The following XPNPEP1 variants were observed in gnomAD, a reference collection of about 807,000 sequenced individuals.
XPNPEP1 encodes X-prolyl aminopeptidase 1, also known as xaa-Pro aminopeptidase 1.
A neutral mutation model predicts 92.4 loss-of-function variants in XPNPEP1; 39 were observed. That is an observed-to-expected ratio of 0.42 (90% confidence interval 0.33 to 0.55). XPNPEP1 has a LOEUF of 0.55. XPNPEP1 is among the 20% of genes least tolerant of loss of function. The pLI is 0.08. For synonymous variants in XPNPEP1, 307 were observed against 299.4 expected, an observed-to-expected ratio of 1.03 and a Z score of -0.26; for missense variants, 654 against 856.1, an observed-to-expected ratio of 0.76 and a Z score of 2.95.
intron 12 of XPNPEP1, among the ~76,000 whole-genome samples, chr10:109,879,225 G>A (rs1847953530): frequency 6.6e-6 from 1 of 150,832 alleles, no homozygotes; most frequent in African/African-American, 2.4e-5. Context: ...CTGGGCGATG[G>A]AGCAAGGCTC....
At chr10:109,896,249 CA>C (rs1368490774) in intron 3 of XPNPEP1, among the ~76,000 whole-genome samples, 2 of 151,812 alleles carry the variant, frequency 1.3e-5, no homozygotes, top group African/African-American at 4.8e-5. Context: ...CTCTGTATAG[CA>C]CACACATACT....
intron 1 of XPNPEP1, chr10:109,923,089 G>T: frequency 1.1e-6 from 1 of 911,012 alleles, no homozygotes; most frequent in Non-Finnish European, 1.3e-6. Flanking sequence ...GGGCCTTCCC[G>T]CGGGCCAGGA....
At chr10:109,906,614 T>C (rs1030096317) in intron 3 of XPNPEP1, among the ~76,000 whole-genome samples, 5 of 152,190 alleles carry the variant, frequency 3.3e-5, no homozygotes, top group African/African-American at 1.2e-4. Flanking sequence ...TCAAGGTATC[T>C]CAAGGCAGTT....
intron 5 of XPNPEP1, among the ~76,000 whole-genome samples, chr10:109,889,175 C>G (rs938322891): frequency 6.6e-6 from 1 of 152,222 alleles, no homozygotes; most frequent in Non-Finnish European, 1.5e-5. Flanking sequence ...TTAAGAGAGG[C>G]ACACAGGCAC....
rs1248177626 is a variant in XPNPEP1 at position 109,886,117 on chromosome 10, A to G, written c.748+129T>C. On this transcript the variant is annotated intron_variant, in intron 8 of 20. Coordinates refer to ENST00000502935, the MANE Select transcript of XPNPEP1 (RefSeq NM_020383.4). The stretch of plus-strand genomic sequence containing the variant: ...ATCCTAGTTGGCATCTCCTATACCC[A>G]TTTGGTGACGTAGTCTTCTTCTTAT... 3.2e-5 allele frequency: 28 copies of G among 883,312 alleles called. No individual in the cohort carries two copies. In the Admixed American group the frequency reaches 5.9e-4, roughly 19 times the overall value. The allele number at this position is 883,312 out of a possible 1,614,324, so 54.7% of individuals were successfully genotyped here. A position where few individuals can be genotyped will look rare whatever the true frequency, so the allele number is the denominator to read the frequency against.
intron 20 of XPNPEP1, among the ~76,000 whole-genome samples, chr10:109,866,117 G>A (rs984233790): frequency 1.3e-5 from 2 of 152,204 alleles, no homozygotes; most frequent in African/African-American, 4.8e-5. Flanking sequence ...TAGCTGTCTG[G>A]AAGCTGATGA....
intron 5 of XPNPEP1, 117 bp downstream of exon 5, chr10:109,891,605 A>T: frequency 1.3e-6 from 1 of 782,366 alleles, no homozygotes; most frequent in Non-Finnish European, 1.9e-6. Flanking sequence ...TTTTCCTTGG[A>T]TTCTCAAAAG....
chr10:109,917,050 T>G (rs1850232268), intron 1 of XPNPEP1, among the ~76,000 whole-genome samples: 1 of 149,476 alleles, frequency 6.7e-6, no homozygotes, highest in Non-Finnish European at 1.5e-5. Context: ...CCCTATAATC[T>G]AGGGAATGTC....
At chr10:109,894,110 C>A (rs538313661) in intron 3 of XPNPEP1, 2 of 152,270 alleles carry the variant, frequency 1.3e-5, no homozygotes, top group African/African-American at 2.4e-5. Context: ...AGCCAAAGGA[C>A]CTGGCAAGGT....
Position 109,923,489 on chromosome 10 carries a change from GC to G in XPNPEP1, c.-57del. On this transcript the variant is annotated 5_prime_UTR_variant, in exon 1 of 21. Transcript: ENST00000502935. The stretch of plus-strand genomic sequence containing the variant: ...GGGAGCGCAGACCAGCTGATCACCC[GC>G]GGAAGGGCCGGCGCGAAGGAGGCGC... 1 of 1,335,736 alleles carries G rather than the reference GC, an allele frequency of 7.5e-7. No individual in the cohort carries two copies. The highest frequency in any genetic ancestry group is 1.5e-5 in the African/African-American group (1 of 64,838). 82.7% of individuals were successfully genotyped at this position (1,335,736 alleles called of 1,614,324 possible). A position where few individuals can be genotyped will look rare whatever the true frequency, so the allele number is the denominator to read the frequency against.
chr10:109,887,998 G>C lies in XPNPEP1; in HGVS notation c.652+51C>G, dbSNP rs772508837. 4 of 1,604,574 alleles carry C rather than the reference G, an allele frequency of 2.5e-6. No individual in the cohort carries two copies. In the East Asian group the frequency reaches 9.0e-5, roughly 36 times the overall value. On this transcript the variant is annotated intron_variant, in intron 7 of 20. Coordinates refer to ENST00000502935, the MANE Select transcript of XPNPEP1 (RefSeq NM_020383.4). ...GACGAGGCTGGAGACAATAGCAAGAGGTGGGGGGACAATGGCAGGGGCCCT... is the reference window on the plus strand; with the variant it reads ...GACGAGGCTGGAGACAATAGCAAGACGTGGGGGGACAATGGCAGGGGCCCT...
At chr10:109,907,312 A>G (rs1282976850) in intron 3 of XPNPEP1, among the ~76,000 whole-genome samples, 1 of 152,160 alleles carries the variant, frequency 6.6e-6, no homozygotes, top group African/African-American at 2.4e-5. Context: ...CCTACCGCCC[A>G]TCAACCCTAT....
chr10:109,883,874 G>T, intron 9 of XPNPEP1, 193 bp downstream of exon 9: 1 of 534,604 alleles, frequency 1.9e-6, no homozygotes, highest in Non-Finnish European at 3.2e-6. Flanking sequence ...CATTTTGGGG[G>T]CTCAAAGAGA....
chr10:109,897,874 G>A (rs562917503), intron 3 of XPNPEP1, among the ~76,000 whole-genome samples: 3 of 152,042 alleles, frequency 2.0e-5, no homozygotes, highest in African/African-American at 4.8e-5. Flanking sequence ...GGCTGGTCTC[G>A]AACTCCTGAC....
Position 109,872,380 on chromosome 10 carries a change from C to T in XPNPEP1, c.1453-519G>A, listed in dbSNP as rs530924764. On this transcript the variant is annotated intron_variant, in intron 16 of 20. Coordinates refer to ENST00000502935, the MANE Select transcript of XPNPEP1 (RefSeq NM_020383.4). Reference sequence around the variant, plus strand: ...CTTCAACAGCTGTGCTCCCTACCACCATCCTATCTTCAGGGGTTATCCCCA... The same window carrying T: ...CTTCAACAGCTGTGCTCCCTACCACTATCCTATCTTCAGGGGTTATCCCCA... Among the ~76,000 whole-genome samples, 6 of 152,314 alleles carry T rather than the reference C, an allele frequency of 3.9e-5. No individual in the cohort carries two copies. The South Asian group carries it at 1.2e-3, about 32-fold the overall frequency.
In XPNPEP1 at chr10:109,888,537, G is replaced by T. The variant is rs1848528551; in HGVS notation, c.474C>A (p.Ser158=). 2 of 1,611,882 alleles carry T rather than the reference G, an allele frequency of 1.2e-6. No homozygotes were observed. The highest frequency in any genetic ancestry group is 1.3e-5 in the African/African-American group (1 of 74,994). The change falls in exon 6 of 21, where the codon TCC becomes TCA. Residue 158 remains serine, a synonymous_variant. Transcript: ENST00000502935. ...TGATCAAGGGGTCCACACCAACCCT[G>T]GATCCTTCAGGAAGCACACTCACCA... ...DWLVSVLPEG[S]RVGVDPLIIP...
Position 109,884,066 on chromosome 10 carries a change from C to G in XPNPEP1, c.830+1G>C. The G allele has an allele frequency of 6.2e-7, 1 of 1,613,110 alleles. No homozygotes were observed. The highest frequency in any genetic ancestry group is 8.5e-7 in the Non-Finnish European group (1 of 1,179,526). On this transcript the variant is annotated splice_donor_variant, in intron 9 of 20. Coordinates refer to ENST00000502935, the MANE Select transcript of XPNPEP1 (RefSeq NM_020383.4). LOFTEE classifies it high-confidence loss of function. ...GTTCCAGATGCAGGGCAAACACTCACATGATCGTCTCTAGTCCTATGATTG... is the reference window on the plus strand; with the variant it reads ...GTTCCAGATGCAGGGCAAACACTCAGATGATCGTCTCTAGTCCTATGATTG...
At chr10:109,869,831 CCA>C (rs1847349829) in intron 19 of XPNPEP1, 120 bp downstream of exon 19, 1 of 951,766 alleles carries the variant, frequency 1.1e-6, no homozygotes, top group South Asian at 1.6e-5. Flanking sequence ...CTTCATCTTC[CCA>C]CACTAAGAAA....
rs917710971 is a variant in XPNPEP1 at position 109,875,588 on chromosome 10, T to C, written c.1331A>G (p.Glu444Gly). 33 of 1,614,006 alleles carry C rather than the reference T, an allele frequency of 2.0e-5. No homozygotes were observed. The highest frequency in any genetic ancestry group is 2.8e-5 in the Non-Finnish European group (33 of 1,179,976). Reference protein sequence around the residue: ...GAIIHYAPVPETNRTLSLDEV... With the variant: ...GAIIHYAPVPGTNRTLSLDEV... Reference sequence around the variant, plus strand: ...ATCCAGGGACAAGGTCCTATTCGTCTCAGGGACTGGCCTAACAAAGTTAAT... The same window carrying C: ...ATCCAGGGACAAGGTCCTATTCGTCCCAGGGACTGGCCTAACAAAGTTAAT... The change falls in exon 15 of 21, where the codon GAG becomes GGG. Residue 444 changes from glutamate to glycine, a missense_variant. Physicochemically the swap from Glu to Gly is moderately conservative, Grantham distance 98 (BLOSUM62 -2). Coordinates refer to ENST00000502935, the MANE Select transcript of XPNPEP1 (RefSeq NM_020383.4).
Sources: gnomAD v4.1 joint callset for allele counts (sites outside exome capture counted in the v4.1 genomes callset) on GRCh38, gnomAD v4.1.1 for gene constraint, MANE v1.5 for transcripts, NCBI Gene and HGNC (gene_info 2026-07-23, HGNC 2026-07-21) for gene names.